USP7: variants seen among roughly 807,000 people sequenced by gnomAD.
USP7 encodes the protein ubiquitin C-terminal hydrolase 7.
Under a neutral mutation model 162.9 loss-of-function variants are expected in USP7, and 9 were observed. The observed-to-expected ratio is 0.06, with a 90% CI of 0.03 to 0.10. USP7 has a LOEUF of 0.10. USP7 is among the 10% of genes least tolerant of loss of function. The probability of loss-of-function intolerance (pLI) is 1.00; values close to 1 mark genes in which losing one functional copy is unlikely to be tolerated. For synonymous variants in USP7, 562 were observed against 475.9 expected, an observed-to-expected ratio of 1.18 and a Z score of -2.35; for missense variants, 715 against 1,373.7, an observed-to-expected ratio of 0.52 and a Z score of 7.58.
chr16:8,905,169 A>C lies in USP7; in HGVS notation c.1573+18T>G. 1 of 1,610,982 alleles carries C rather than the reference A, an allele frequency of 6.2e-7. No homozygotes were observed. The highest frequency in any genetic ancestry group is 8.5e-7 in the Non-Finnish European group (1 of 1,177,230). On this transcript the variant is annotated intron_variant, in intron 14 of 30. Coordinates refer to ENST00000344836, the MANE Select transcript of USP7 (RefSeq NM_003470.3). Reference sequence around the variant, plus strand: ...GTCCACCACAGTAAAGAACAGAACAAAAGTGAACACTACTCACTCAGTTTT... The same window carrying C: ...GTCCACCACAGTAAAGAACAGAACACAAGTGAACACTACTCACTCAGTTTT...
At chr16:8,916,452 G>T in intron 8 of USP7, 50 bp downstream of exon 8, 2 of 1,566,102 alleles carry the variant, frequency 1.3e-6, no homozygotes, top group South Asian at 2.4e-5. Context: ...TTCTGACCAT[G>T]CTTCAAAATA....
chr16:8,905,081 G>T (rs141192867), intron 14 of USP7, 106 bp downstream of exon 14: 8 of 1,404,016 alleles, frequency 5.7e-6, no homozygotes, highest in Non-Finnish European at 9.9e-7. Context: ...GAATACAATG[G>T]AATAAGCATA....
intron 21 of USP7, 191 bp from the exon 22 acceptor site, chr16:8,899,948 G>GCA: frequency 1.5e-6 from 1 of 675,864 alleles, no homozygotes; most frequent in Non-Finnish European, 2.5e-6. Flanking sequence ...GCATGGGGAT[G>GCA]CACTGAGCCA....
At chr16:8,899,853 C>G (rs1596353180) in intron 21 of USP7, 96 bp from the exon 22 acceptor site, 3 of 1,397,812 alleles carry the variant, frequency 2.1e-6, no homozygotes, top group Middle Eastern at 1.8e-4. Context: ...GTGACACCAA[C>G]AGGCTCTCTT....
intron 6 of USP7, among the ~76,000 whole-genome samples, chr16:8,917,632 G>A (rs1362491843): frequency 6.6e-6 from 1 of 152,140 alleles, no homozygotes; most frequent in Non-Finnish European, 1.5e-5. Flanking sequence ...GCCCACCTTG[G>A]CCTCCCAAAG....
At chr16:8,923,947 T>A (rs1232744998) in intron 2 of USP7, among the ~76,000 whole-genome samples, 1 of 152,102 alleles carries the variant, frequency 6.6e-6, no homozygotes, top group Non-Finnish European at 1.5e-5. Context: ...TAATAAATGC[T>A]AACCTCATTG....
intron 1 of USP7, among the ~76,000 whole-genome samples, chr16:8,945,752 T>C (rs2141254911): frequency 1.3e-5 from 2 of 152,184 alleles, no homozygotes; most frequent in East Asian, 3.9e-4. Flanking sequence ...TAAAACAATT[T>C]TGAATAACAC....
chr16:8,953,561 G>A (rs1303645587), intron 1 of USP7, among the ~76,000 whole-genome samples: 4 of 139,778 alleles, frequency 2.9e-5, no homozygotes, highest in South Asian at 2.5e-4. Flanking sequence ...CGGCGCCACC[G>A]GAAGCAGAGG....
At chr16:8,904,348 GA>G in intron 15 of USP7, 86 bp downstream of exon 15, 1 of 1,561,508 alleles carries the variant, frequency 6.4e-7, no homozygotes, top group Non-Finnish European at 8.6e-7. Flanking sequence ...GGGAGTCCCA[GA>G]GGGGTGGGGG....
chr16:8,947,120 T>G (rs192258249), intron 1 of USP7, among the ~76,000 whole-genome samples: 1 of 152,114 alleles, frequency 6.6e-6, no homozygotes, highest in East Asian at 1.9e-4. Flanking sequence ...GTAAGATTGG[T>G]TTTTTCATAT....
chr16:8,940,505 C>T (rs569664897), intron 1 of USP7, among the ~76,000 whole-genome samples: 1 of 152,284 alleles, frequency 6.6e-6, no homozygotes, highest in East Asian at 1.9e-4. Flanking sequence ...CAGGGGTTAC[C>T]TTGGGACCAG....
Position 8,906,486 on chromosome 16 carries a change from A to G in USP7, c.1368T>C (p.His456=). 1 of 1,612,832 alleles carries G rather than the reference A, an allele frequency of 6.2e-7. No homozygotes were observed. The highest frequency in any genetic ancestry group is 1.1e-5 in the South Asian group (1 of 91,034). ...AATGTCCACCATGATTATCTCCACTATGAACCAGGACTGCATGAAGAATAT... is the reference window on the plus strand; with the variant it reads ...AATGTCCACCATGATTATCTCCACTGTGAACCAGGACTGCATGAAGAATAT... ...ANYILHAVLV[H]SGDNHGGHYV... is the part of the protein sequence containing the mutation. Residue 456 remains histidine (H), a synonymous_variant, in exon 13 of 31, where the codon CAT becomes CAC. Transcript: ENST00000344836.
chr16:8,904,877 CAGG>C (rs1268271415), intron 14 of USP7, among the ~76,000 whole-genome samples: 2 of 152,114 alleles, frequency 1.3e-5, no homozygotes, highest in African/African-American at 4.8e-5. Flanking sequence ...GAGGCTGAGG[CAGG>C]AGAGTGGCGA....
rs780907194 is a variant in USP7 at position 8,894,532 on chromosome 16, G to T, written c.3202+18C>A. Reference sequence around the variant, plus strand: ...GTCTGAAACCCACACCAGCCCCCGGGGGGGGGAGAACCCTTACCGGGCTGT... The same window carrying T: ...GTCTGAAACCCACACCAGCCCCCGGTGGGGGGAGAACCCTTACCGGGCTGT... On this transcript the variant is annotated intron_variant, in intron 30 of 30. Transcript: ENST00000344836. The T allele has an allele frequency of 6.8e-6, 11 of 1,606,856 alleles. No individual in the cohort carries two copies. Among genetic ancestry groups the T allele is most frequent in the Admixed American group, 1.7e-5 (1 of 59,026 alleles).
chr16:8,901,239 A>G lies in USP7; in HGVS notation c.2048-5T>C, dbSNP rs200010980. The G allele has an allele frequency of 1.3e-4, 210 of 1,602,822 alleles. No individual in the cohort carries two copies. Among genetic ancestry groups the G allele is most frequent in the Non-Finnish European group, 1.8e-4 (205 of 1,170,034 alleles). On this transcript the variant is annotated splice_region_variant and splice_polypyrimidine_tract_variant and intron_variant, in intron 18 of 30. Transcript: ENST00000344836. The stretch of plus-strand genomic sequence containing the variant: ...TCAAAAATAACATTACATCATCTAC[A>G]AGGTTAATAAACAAGTTTTGTTAAG...
At position 8,922,642 on chromosome 16, in the gene USP7, G is replaced by A. The variant is rs147648005; in HGVS notation, c.383+573C>T. Reference sequence around the variant, plus strand: ...CTTCCCCTGGTTCCAACTGCAGACAGGTTGACAAAGTGGTCCGTACTCCCA... The same window carrying A: ...CTTCCCCTGGTTCCAACTGCAGACAAGTTGACAAAGTGGTCCGTACTCCCA... On this transcript the variant is annotated intron_variant, in intron 3 of 30. Coordinates refer to ENST00000344836, the MANE Select transcript of USP7 (RefSeq NM_003470.3). 3.2e-3 allele frequency among the ~76,000 whole-genome samples: 485 copies of A among 152,354 alleles called. 1 individual carries two copies. The highest frequency in any genetic ancestry group is 0.011 in the African/African-American group (458 of 41,580).
At chr16:8,955,720 A>AAC (rs1555472009) in intron 1 of USP7, among the ~76,000 whole-genome samples, 11 of 147,162 alleles carry the variant, frequency 7.5e-5, no homozygotes, top group East Asian at 3.9e-4. Context: ...AAAAAAAAAA[A>AAC]AAAAAACATT....
At chr16:8,926,725 C>T (rs376242543) in intron 2 of USP7, among the ~76,000 whole-genome samples, 1 of 152,178 alleles carries the variant, frequency 6.6e-6, no homozygotes, top group African/African-American at 2.4e-5. Context: ...GCACTTCATG[C>T]ACAAAGACTC....
In USP7 at chr16:8,899,589, GCATT is replaced by G; in HGVS notation, c.2463+11_2463+14del. The G allele has an allele frequency of 6.2e-7, 1 of 1,612,656 alleles. No homozygotes were observed. Among genetic ancestry groups the G allele is most frequent in the Non-Finnish European group, 8.5e-7 (1 of 1,178,812 alleles). On this transcript the variant is annotated intron_variant, in intron 22 of 30. Coordinates refer to ENST00000344836, the MANE Select transcript of USP7 (RefSeq NM_003470.3). ...GGAGTGGGATCTGAAGAGGAAAGGAGCATTTATTAAATACCTGAAAATAATTCAT... is the reference window on the plus strand; with the variant it reads ...GGAGTGGGATCTGAAGAGGAAAGGAGTATTAAATACCTGAAAATAATTCAT...
Sources: allele counts gnomAD v4.1 joint callset (sites outside exome capture counted in the v4.1 genomes callset), GRCh38; gene constraint gnomAD v4.1.1; transcripts MANE v1.5; gene names NCBI Gene and HGNC (gene_info 2026-07-23, HGNC 2026-07-21).